The following LUZP2 variants were observed in gnomAD, a reference collection of about 807,000 sequenced individuals.
The protein encoded by LUZP2 is leucine zipper protein 2.
In LUZP2, 52 loss-of-function variants were observed where a neutral mutation model predicts 51.6. That is an observed-to-expected ratio of 1.01 (90% CI 0.81 to 1.27). The LOEUF (loss-of-function observed/expected upper bound fraction) is 1.27, where lower values mean the gene tolerates loss of function less well. LUZP2 is among the 50% of genes most tolerant of loss of function. The probability of loss-of-function intolerance (pLI) is 0.00; values close to 1 mark genes in which losing one functional copy is unlikely to be tolerated. For synonymous variants in LUZP2, 154 were observed against 137.3 expected (o/e 1.12, Z -0.85); for missense variants, 436 against 395.4 (o/e 1.10, Z -0.87).
At chr11:24,938,488 G>A (rs1261563074) in intron 7 of LUZP2, among the ~76,000 whole-genome samples, 1 of 151,768 alleles carries the variant, frequency 6.6e-6, no homozygotes, top group Admixed American at 6.6e-5. Flanking sequence ...GTTCTATCTT[G>A]GGCAAATTTG....
chr11:24,583,557 C>T (rs116203961), intron 1 of LUZP2, among the ~76,000 whole-genome samples: 2,112 of 152,248 alleles, frequency 0.014, 38 homozygotes, highest in South Asian at 0.058. Flanking sequence ...CCATGCCCAA[C>T]ACACCTAAAC....
At chr11:24,660,231 A>G (rs1855973605) in intron 1 of LUZP2, among the ~76,000 whole-genome samples, 1 of 152,298 alleles carries the variant, frequency 6.6e-6, no homozygotes, top group South Asian at 2.1e-4. Flanking sequence ...AAAGCGTGCC[A>G]GTCCATCTGA....
At chr11:24,720,646 A>G (rs981358452) in intron 1 of LUZP2, among the ~76,000 whole-genome samples, 3 of 152,134 alleles carry the variant, frequency 2.0e-5, no homozygotes, top group Non-Finnish European at 4.4e-5. Flanking sequence ...AGCTTACTGC[A>G]AGTGTTTCTG....
At chr11:24,593,841 T>C (rs1223565159) in intron 1 of LUZP2, among the ~76,000 whole-genome samples, 3 of 152,160 alleles carry the variant, frequency 2.0e-5, no homozygotes, top group Admixed American at 6.5e-5. Context: ...AGAACTAAAG[T>C]CCACCTTGAG....
At position 24,700,998 on chromosome 11, in the gene LUZP2, C is replaced by T. The variant is rs542367901; in HGVS notation, c.63-28171C>T. Among the ~76,000 whole-genome samples the T allele has an allele frequency of 4.6e-5, 7 of 152,150 alleles. No individual in the cohort carries two copies. In the East Asian group the frequency reaches 7.7e-4, roughly 17 times the overall value. ...GTGGGGAAAAAGAAGAAAAAACATC[C>T]GATTTACCAGTCAACCCAGTGAATA... On this transcript the variant is annotated intron_variant, in intron 1 of 11. Transcript: ENST00000336930.
chr11:24,730,029 A>G (rs2133968475), intron 2 of LUZP2, among the ~76,000 whole-genome samples: 1 of 151,896 alleles, frequency 6.6e-6, no homozygotes, highest in East Asian at 1.9e-4. Context: ...TACTGAACTG[A>G]ACCATGTTTT....
At chr11:24,938,253 AT>A (rs1854645992) in intron 7 of LUZP2, among the ~76,000 whole-genome samples, 1 of 152,130 alleles carries the variant, frequency 6.6e-6, no homozygotes, top group Non-Finnish European at 1.5e-5. Flanking sequence ...TTTTAAATCT[AT>A]TTTTTAATTA....
Position 24,796,491 on chromosome 11 carries a change from CTGTGTG to C in LUZP2, c.396+33220_396+33225del, listed in dbSNP as rs57329413. On this transcript the variant is annotated intron_variant, in intron 5 of 11. Coordinates refer to ENST00000336930, the MANE Select transcript of LUZP2 (RefSeq NM_001009909.4). ...TATAATTTTGTATGGTAATAATAATCTGTGTGTGTGTGTGTGTGTGTGTGTGTGTGT... is the reference window on the plus strand; with the variant it reads ...TATAATTTTGTATGGTAATAATAATCTGTGTGTGTGTGTGTGTGTGTGTGT... 5.4e-3 allele frequency among the ~76,000 whole-genome samples: 672 copies of C among 124,626 alleles called. 6 individuals carry two copies. Among genetic ancestry groups the C allele is most frequent in the African/African-American group, 0.017 (583 of 34,156 alleles). The allele number at this position is 124,626 out of a possible 152,430, so 81.8% of individuals were successfully genotyped here. A position where few individuals can be genotyped will look rare whatever the true frequency, so the allele number is the denominator to read the frequency against.
At chr11:25,046,232 A>AAT (rs1858303354) in intron 9 of LUZP2, among the ~76,000 whole-genome samples, 1 of 151,698 alleles carries the variant, frequency 6.6e-6, no homozygotes, top group South Asian at 2.1e-4. Flanking sequence ...CCTCCAAAAA[A>AAT]AAAAATGAGT....
At chr11:24,928,343 C>G (rs1350366590) in intron 7 of LUZP2, among the ~76,000 whole-genome samples, 1 of 151,572 alleles carries the variant, frequency 6.6e-6, no homozygotes, top group Non-Finnish European at 1.5e-5. Context: ...TTCAACTTCT[C>G]CTTGTTTAGT....
At chr11:24,833,939 C>T (rs1044612626) in intron 5 of LUZP2, among the ~76,000 whole-genome samples, 1 of 152,092 alleles carries the variant, frequency 6.6e-6, no homozygotes, top group Non-Finnish European at 1.5e-5. Flanking sequence ...AAGAAAATGT[C>T]TGGGTTATTA....
intron 1 of LUZP2, among the ~76,000 whole-genome samples, chr11:24,715,180 C>T (rs1857989225): frequency 6.6e-6 from 1 of 151,280 alleles, no homozygotes; most frequent in South Asian, 2.1e-4. Flanking sequence ...AAGACATATG[C>T]ATAAATTATA....
intron 1 of LUZP2, among the ~76,000 whole-genome samples, chr11:24,606,489 A>G (rs1190023769): frequency 6.6e-6 from 1 of 152,022 alleles, no homozygotes; most frequent in Non-Finnish European, 1.5e-5. Context: ...GTGTGTGTCT[A>G]TACAAACACA....
At chr11:25,068,116 G>T (rs893663040) in intron 10 of LUZP2, among the ~76,000 whole-genome samples, 1 of 152,010 alleles carries the variant, frequency 6.6e-6, no homozygotes, top group East Asian at 1.9e-4. Flanking sequence ...GTTGAACAAT[G>T]AGAACACATG....
intron 10 of LUZP2, among the ~76,000 whole-genome samples, chr11:25,059,881 G>A (rs546410138): frequency 5.2e-4 from 79 of 152,226 alleles, no homozygotes; most frequent in Non-Finnish European, 1.0e-3. Context: ...ATTATGATAG[G>A]AATCAAACTT....
intron 9 of LUZP2, among the ~76,000 whole-genome samples, chr11:25,025,589 T>C (rs901895051): frequency 3.3e-5 from 5 of 152,044 alleles, no homozygotes; most frequent in Non-Finnish European, 7.4e-5. Flanking sequence ...AAAACCACAA[T>C]GAGATACCAT....
chr11:24,578,103 A>G (rs1446171802), intron 1 of LUZP2, among the ~76,000 whole-genome samples: 3 of 152,238 alleles, frequency 2.0e-5, no homozygotes, highest in South Asian at 2.1e-4. Context: ...GAAAAACTCA[A>G]ACATAAATAC....
intron 7 of LUZP2, among the ~76,000 whole-genome samples, chr11:24,950,678 C>A (rs1417539055): frequency 1.3e-5 from 2 of 151,536 alleles, no homozygotes; most frequent in East Asian, 1.9e-4. Flanking sequence ...ATAGCTCAAA[C>A]TTCCCGATAA....
chr11:24,778,397 A>G (rs1348224675), intron 5 of LUZP2, among the ~76,000 whole-genome samples: 1 of 137,870 alleles, frequency 7.3e-6, no homozygotes, highest in Non-Finnish European at 1.6e-5. Flanking sequence ...CCTAGGCAAC[A>G]GAGCAAGATC....
Sources: allele counts gnomAD v4.1 joint callset (sites outside exome capture counted in the v4.1 genomes callset), GRCh38; gene constraint gnomAD v4.1.1; transcripts MANE v1.5; gene names NCBI Gene and HGNC (gene_info 2026-07-23, HGNC 2026-07-21).